The following HLX variants were observed in gnomAD, a reference collection of about 807,000 sequenced individuals.
HLX encodes H2.0-like homeobox protein.
HLX carries 6 observed loss-of-function variants against 27.7 expected under a neutral mutation model. The ratio of observed to expected loss-of-function variants is 0.22; its 90% CI spans 0.12 to 0.43. The LOEUF is 0.43. HLX is among the 20% of genes least tolerant of loss of function. HLX has a pLI of 1.00. For synonymous variants in HLX, 328 were observed against 293.8 expected (o/e 1.12, Z -1.19); for missense variants, 666 against 655.2 (o/e 1.02, Z -0.18).
In HLX at chr1:220,879,942, G is replaced by A; in HGVS notation, c.85G>A (p.Gly29Ser). The A allele has an allele frequency of 6.3e-7, 1 of 1,598,502 alleles. No individual in the cohort carries two copies. The highest frequency in any genetic ancestry group is 8.5e-7 in the Non-Finnish European group (1 of 1,178,662). The part of the protein sequence containing the change: ...AAYCSSAGPG[G>S]CSFPLDPAAV... ...TTACTGCTCCTCGGCCGGCCCAGGC[G>A]GCTGCTCCTTCCCCTTGGACCCCGC... is the stretch of plus-strand genomic sequence containing the variant. The change falls in exon 1 of 4, where the codon GGC (glycine) becomes AGC (serine). Residue 29 changes from glycine (G) to serine (S), a missense_variant. Gly to Ser is a moderately conservative substitution (Grantham distance 56). Transcript: ENST00000366903.
Position 220,884,797 on chromosome 1 carries a change from G to C in HLX, c.*93G>C, listed in dbSNP as rs1406590789. The C allele has an allele frequency of 4.6e-6, 7 of 1,530,136 alleles. No homozygotes were observed. Among genetic ancestry groups the C allele is most frequent in the Non-Finnish European group, 6.1e-6 (7 of 1,143,972 alleles). 94.8% of individuals were successfully genotyped at this position (1,530,136 alleles called of 1,614,324 possible). A position where few individuals can be genotyped will look rare whatever the true frequency, so the allele number is the denominator to read the frequency against. On this transcript the variant is annotated 3_prime_UTR_variant, in exon 4 of 4. Coordinates refer to ENST00000366903, the MANE Select transcript of HLX (RefSeq NM_021958.4). The surrounding 1 kb of genome is among the most constrained non-coding windows in gnomAD (Gnocchi z 4.9). ...TTACTGTATGTTGGCGACTTGGTAGGGCAGGAGACGCAGCGTGGAGCCTAC... is the reference window on the plus strand; with the variant it reads ...TTACTGTATGTTGGCGACTTGGTAGCGCAGGAGACGCAGCGTGGAGCCTAC...
chr1:220,880,313 G>C lies in HLX; in HGVS notation c.456G>C (p.Ser152=). ...PRAGALQPPA[S]GTRVVPNPHH... The stretch of plus-strand genomic sequence containing the variant: ...CTGGCGCCCTGCAGCCCCCGGCCTC[G>C]GGGACGCGAGTGGTTCCGAACCCCC... The change falls in exon 1 of 4, where the codon TCG becomes TCC. Residue 152 remains serine, a synonymous_variant. Coordinates refer to ENST00000366903, the MANE Select transcript of HLX (RefSeq NM_021958.4). 13 of 1,613,368 alleles carry C rather than the reference G, an allele frequency of 8.1e-6. No homozygotes were observed. The highest frequency in any genetic ancestry group is 1.1e-5 in the Non-Finnish European group (13 of 1,179,594).
In HLX at chr1:220,881,294, C is replaced by A. The variant is rs1221317688; in HGVS notation, c.693C>A (p.Asn231Lys). ...GQFFASLDPINEASAILSPLN... is the reference protein window; with the variant it reads ...GQFFASLDPIKEASAILSPLN... ...TCTTCGCATCTCTAGATCCCATTAA[C>A]GAGGCTTCTGCAATCCTGAGTCCCT... Residue 231 changes from asparagine to lysine, a missense_variant, in exon 2 of 4, where the codon AAC becomes AAA. Asn to Lys is a moderately conservative substitution (Grantham distance 94, BLOSUM62 0). Coordinates refer to ENST00000366903, the MANE Select transcript of HLX (RefSeq NM_021958.4). The A allele has an allele frequency of 6.2e-7, 1 of 1,613,952 alleles. No individual in the cohort carries two copies. Among genetic ancestry groups the A allele is most frequent in the Non-Finnish European group, 8.5e-7 (1 of 1,179,892 alleles).
At chr1:220,881,715 T>C (rs1674449486) in intron 2 of HLX, 1 of 412,820 alleles carries the variant, frequency 2.4e-6, no homozygotes. Context: ...CCTCAAACAC[T>C]TGTGCTTGGC....
intron 2 of HLX, chr1:220,881,849 C>T (rs1674453191): frequency 2.3e-6 from 1 of 436,136 alleles, no homozygotes; most frequent in African/African-American, 2.0e-5. Flanking sequence ...TCATTCAGGC[C>T]CAAGGGACAT....
In HLX at chr1:220,881,146, G is replaced by T. The variant is rs377060210; in HGVS notation, c.593-48G>T. The T allele has an allele frequency of 3.0e-5, 46 of 1,508,440 alleles. No homozygotes were observed. The South Asian group carries it at 3.4e-4, about 11-fold the overall frequency. 93.4% of individuals were successfully genotyped at this position (1,508,440 alleles called of 1,614,324 possible). On this transcript the variant is annotated intron_variant, in intron 1 of 3. Coordinates refer to ENST00000366903, the MANE Select transcript of HLX (RefSeq NM_021958.4). The stretch of plus-strand genomic sequence containing the variant: ...GGGGAGGAACAAATCAGCGGAGAGT[G>T]TGAGTGTGCCCGAGATGTAACCTGC...
Position 220,884,018 on chromosome 1 carries a change from C to G in HLX, c.958-177C>G. On this transcript the variant is annotated intron_variant, in intron 3 of 3. Transcript: ENST00000366903. This position sits in a 1 kb window ranked among gnomAD's most constrained non-coding sequence, Gnocchi z 4.9. ...CAGGATTCCTGGCTTCTTGTGTTCCCCTGGGCTGCCCCTTGGCTCCTGCGC... is the reference window on the plus strand; with the variant it reads ...CAGGATTCCTGGCTTCTTGTGTTCCGCTGGGCTGCCCCTTGGCTCCTGCGC... The G allele has an allele frequency of 1.5e-6, 1 of 659,564 alleles. No individual in the cohort carries two copies. Among genetic ancestry groups the G allele is most frequent in the Non-Finnish European group, 2.7e-6 (1 of 377,024 alleles). 40.9% of individuals were successfully genotyped at this position (659,564 alleles called of 1,614,324 possible).
chr1:220,882,637 G>C (rs1674481402), intron 3 of HLX: 2 of 441,902 alleles, frequency 4.5e-6, no homozygotes, highest in South Asian at 5.2e-5. Flanking sequence ...AAAGCAAAAG[G>C]GCCGCTGGAA....
chr1:220,881,951 C>G (rs1674458994), intron 2 of HLX: 2 of 654,562 alleles, frequency 3.1e-6, no homozygotes, highest in Middle Eastern at 2.5e-4. Context: ...TTCTCCACTC[C>G]ACGCTCGCTT....
Position 220,880,433 on chromosome 1 carries a change from A to C in HLX, c.576A>C (p.Glu192Asp). Residue 192 changes from glutamate to aspartate, a missense_variant, in exon 1 of 4, where the codon GAA becomes GAC. Transcript: ENST00000366903. ...LSAEFDPKVK[E>D]GNTLRDLTSL... ...CAGAATTTGACCCAAAAGTCAAAGA[A>C]GGCAACACGCTGAGAGGTAGGTCTT... The C allele has an allele frequency of 6.2e-7, 1 of 1,613,818 alleles. No homozygotes were observed. The highest frequency in any genetic ancestry group is 1.1e-5 in the South Asian group (1 of 91,084).
In HLX at chr1:220,880,212, T is replaced by C. The variant is rs748782059; in HGVS notation, c.355T>C (p.Tyr119His). 166 of 1,612,404 alleles carry C rather than the reference T, an allele frequency of 1.0e-4. 1 individual carries two copies. The East Asian group carries it at 3.6e-3, about 35-fold the overall frequency. The change falls in exon 1 of 4, where the codon TAC becomes CAC. Residue 119 changes from tyrosine to histidine, a missense_variant. Coordinates refer to ENST00000366903, the MANE Select transcript of HLX (RefSeq NM_021958.4). ...PQRLSPLSAA[Y>H]HHHHPQQQQQ... ...GCGGCTGTCTCCGCTCTCAGCCGCC[T>C]ACCACCACCATCACCCGCAACAACA...
intron 2 of HLX, chr1:220,881,750 A>T (rs1674450061): frequency 2.5e-6 from 1 of 397,714 alleles, no homozygotes; most frequent in Non-Finnish European, 4.7e-6. Flanking sequence ...GTGCCTGGAC[A>T]CATGCGGGAA....
chr1:220,881,540 C>A, intron 2 of HLX, 167 bp downstream of exon 2: 1 of 711,050 alleles, frequency 1.4e-6, no homozygotes, highest in South Asian at 1.5e-5. Flanking sequence ...AGCTAGCGCT[C>A]GCTTCGGATG....
Position 220,880,464 on chromosome 1 carries a change from G to A in HLX, c.592+15G>A. On this transcript the variant is annotated intron_variant, in intron 1 of 3. Transcript: ENST00000366903. ...CACGCTGAGAGGTAGGTCTTGGGCGGGAGGCTGCAGGCCTCTGACCACTGA... is the reference window on the plus strand; with the variant it reads ...CACGCTGAGAGGTAGGTCTTGGGCGAGAGGCTGCAGGCCTCTGACCACTGA... The A allele has an allele frequency of 6.2e-7, 1 of 1,613,064 alleles. No homozygotes were observed. Among genetic ancestry groups the A allele is most frequent in the Non-Finnish European group, 8.5e-7 (1 of 1,179,950 alleles).
At position 220,884,432 on chromosome 1, in the gene HLX, C is replaced by G. The variant is rs1422917810; in HGVS notation, c.1195C>G (p.Arg399Gly). The change falls in exon 4 of 4, where the codon CGT becomes GGT. Residue 399 changes from arginine (R) to glycine (G), a missense_variant. By Grantham distance (125) the Arg-to-Gly change is moderately radical (BLOSUM62 -2). Coordinates refer to ENST00000366903, the MANE Select transcript of HLX (RefSeq NM_021958.4). This position sits in a 1 kb window ranked among gnomAD's most constrained non-coding sequence, Gnocchi z 4.9. ...CACGGAGCGGACTGAGGGGAGTGAG[C>G]GTTCTCTGCACCAAACAACAGTTAT... Reference protein sequence around the residue: ...SDTERTEGSERSLHQTTVIKA... With the variant: ...SDTERTEGSEGSLHQTTVIKA... 4 of 1,614,094 alleles carry G rather than the reference C, an allele frequency of 2.5e-6. No individual in the cohort carries two copies. Among genetic ancestry groups the G allele is most frequent in the Admixed American group, 1.7e-5 (1 of 60,018 alleles).
intron 3 of HLX, chr1:220,883,930 G>T (rs1674511762): frequency 1.9e-6 from 1 of 537,578 alleles, no homozygotes; most frequent in Non-Finnish European, 3.3e-6. Flanking sequence ...AGTCACTCAG[G>T]TCATTTTAGT....
chr1:220,883,670 T>C (rs575946352), intron 3 of HLX: 1 of 158,096 alleles, frequency 6.3e-6, no homozygotes, highest in African/African-American at 2.4e-5. Flanking sequence ...ATGTTTCCTT[T>C]TTTGAAAAAA....
Position 220,880,224 on chromosome 1 carries a change from C to G in HLX, c.367C>G (p.His123Asp). The G allele has an allele frequency of 6.2e-7, 1 of 1,612,642 alleles. No homozygotes were observed. The highest frequency in any genetic ancestry group is 8.5e-7 in the Non-Finnish European group (1 of 1,178,920). Reference sequence around the variant, plus strand: ...GCTCTCAGCCGCCTACCACCACCATCACCCGCAACAACAACAGCAGCAGCA... The same window carrying G: ...GCTCTCAGCCGCCTACCACCACCATGACCCGCAACAACAACAGCAGCAGCA... Reference protein sequence around the residue: ...SPLSAAYHHHHPQQQQQQQQP... With the variant: ...SPLSAAYHHHDPQQQQQQQQP... Residue 123 changes from histidine (H) to aspartate (D), a missense_variant, in exon 1 of 4, where the codon CAC becomes GAC. Transcript: ENST00000366903.
At position 220,879,586 on chromosome 1, in the gene HLX, C is replaced by G; in HGVS notation, c.-272C>G. Reference sequence around the variant, plus strand: ...CGCCCGCCCTGCGGCCCCAGCGCCCCTCGCTCTCATCCAGCCCGCGAGGAG... The same window carrying G: ...CGCCCGCCCTGCGGCCCCAGCGCCCGTCGCTCTCATCCAGCCCGCGAGGAG... On this transcript the variant is annotated 5_prime_UTR_variant, in exon 1 of 4. Transcript: ENST00000366903. The G allele has an allele frequency of 2.0e-6, 1 of 503,620 alleles. No individual in the cohort carries two copies. Among genetic ancestry groups the G allele is most frequent in the South Asian group, 3.1e-5 (1 of 32,070 alleles). 31.2% of individuals were successfully genotyped at this position (503,620 alleles called of 1,614,324 possible). A position where few individuals can be genotyped will look rare whatever the true frequency, so the allele number is the denominator to read the frequency against.
Sources: gnomAD v4.1 joint callset for allele counts on GRCh38, gnomAD v4.1.1 for gene constraint, Gnocchi (gnomAD v3.1) non-coding constraint, MANE v1.5 for transcripts, NCBI Gene and HGNC (gene_info 2026-07-23, HGNC 2026-07-21) for gene names.